The following RIMKLB variants were observed in gnomAD, a reference collection of about 807,000 sequenced individuals.
The protein encoded by RIMKLB is beta-citrylglutamate synthase B.
A neutral mutation model predicts 32.0 loss-of-function variants in RIMKLB; 7 were observed. That is an observed-to-expected ratio of 0.22 (90% confidence interval 0.12 to 0.41). RIMKLB has a LOEUF of 0.41. Ranked by LOEUF, RIMKLB falls within the 10% of genes least tolerant of loss-of-function variation. RIMKLB has a pLI of 1.00. For missense variants in RIMKLB, 289 were observed against 498.7 expected (o/e 0.58, Z 4.00); for synonymous variants, 172 against 185.1 (o/e 0.93, Z 0.57).
chr12:8,752,158 T>A, intron 4 of RIMKLB, 115 bp downstream of exon 4: 1 of 685,650 alleles, frequency 1.5e-6, no homozygotes, highest in Non-Finnish European at 2.5e-6. Flanking sequence ...TACCTCAGAC[T>A]TACAGAAGGC....
At chr12:8,769,135 C>T (rs760595915) in intron 5 of RIMKLB, among the ~76,000 whole-genome samples, 2 of 152,192 alleles carry the variant, frequency 1.3e-5, no homozygotes, top group South Asian at 4.1e-4. Flanking sequence ...TCTCATTTTC[C>T]TTTGTGATTT....
upstream of RIMKLB, among the ~76,000 whole-genome samples, chr12:8,681,117 C>T (rs779527133): frequency 3.3e-5 from 5 of 152,094 alleles, no homozygotes; most frequent in Admixed American, 1.3e-4. Flanking sequence ...CATACCACCA[C>T]GCCCAGCTAA....
At chr12:8,733,359 T>TC (rs1946721101) in intron 2 of RIMKLB, among the ~76,000 whole-genome samples, 6 of 152,066 alleles carry the variant, frequency 3.9e-5, no homozygotes, top group African/African-American at 1.2e-4. Flanking sequence ...TTGCCACATC[T>TC]TAACTCAGGA....
In RIMKLB at chr12:8,741,138, G is replaced by A. The variant is rs765228605; in HGVS notation, c.176-8724G>A. On this transcript the variant is annotated intron_variant, in intron 2 of 5. Coordinates refer to ENST00000535829, the MANE Select transcript of RIMKLB (RefSeq NM_001297776.2). ...GAAGAATTGCTTGAACCCGGGAGAC[G>A]GAGGTTGCAGTGAGCCGAGACTGAG... Among the ~76,000 whole-genome samples the A allele has an allele frequency of 2.6e-5, 4 of 152,078 alleles. No homozygotes were observed. In the South Asian group the frequency reaches 6.3e-4, roughly 24 times the overall value.
Position 8,775,297 on chromosome 12 carries a change from A to G in RIMKLB, c.*1513A>G, listed in dbSNP as rs1256687587. 9 of 985,332 alleles carry G rather than the reference A, an allele frequency of 9.1e-6. No individual in the cohort carries two copies. The highest frequency in any genetic ancestry group is 1.1e-5 in the Non-Finnish European group (9 of 829,860). The allele number at this position is 985,332 out of a possible 1,614,324, so 61.0% of individuals were successfully genotyped here. ...TTATAGCCCTACTCTTAAGCCTTCA[A>G]TACTGTCCACTCTTTATATTCCTTT... On this transcript the variant is annotated 3_prime_UTR_variant, in exon 6 of 6. Coordinates refer to ENST00000535829, the MANE Select transcript of RIMKLB (RefSeq NM_001297776.2).
chr12:8,724,239 G>A (rs1186472176), intron 2 of RIMKLB, among the ~76,000 whole-genome samples: 1 of 152,030 alleles, frequency 6.6e-6, no homozygotes, highest in Admixed American at 6.6e-5. Context: ...GTTTTCTCTA[G>A]CTGTAAAATT....
chr12:8,687,823 A>T (rs1438923796), intron 1 of RIMKLB, among the ~76,000 whole-genome samples: 1 of 143,664 alleles, frequency 7.0e-6, no homozygotes, highest in Admixed American at 6.7e-5. Context: ...TCAGGAAGAA[A>T]AAAAAAAAAA....
chr12:8,767,872 C>T (rs1179300398), intron 5 of RIMKLB, among the ~76,000 whole-genome samples: 1 of 152,190 alleles, frequency 6.6e-6, no homozygotes, highest in Non-Finnish European at 1.5e-5. Flanking sequence ...TGGTATTTTC[C>T]TCCAATTCTA....
chr12:8,731,029 C>T (rs146458009), intron 2 of RIMKLB, among the ~76,000 whole-genome samples: 120 of 143,564 alleles, frequency 8.4e-4, no homozygotes, highest in African/African-American at 2.8e-3. Flanking sequence ...TGTGAGCCAC[C>T]GTGCCCGGCC....
intron 4 of RIMKLB, among the ~76,000 whole-genome samples, chr12:8,753,159 T>C (rs1948757205): frequency 6.6e-6 from 1 of 152,232 alleles, no homozygotes; most frequent in African/African-American, 2.4e-5. Context: ...GACTGGATTC[T>C]TTATATTTGG....
At chr12:8,782,036 A>C (rs12320577), downstream of RIMKLB, among the ~76,000 whole-genome samples, 4,188 of 150,716 alleles carry the variant, frequency 0.028, 192 homozygotes, top group African/African-American at 0.096. Flanking sequence ...TTTCCTTGAG[A>C]CAGGGTCTCA....
chr12:8,753,731 T>C (rs1468217838), intron 4 of RIMKLB, among the ~76,000 whole-genome samples, 159 bp from the exon 5 acceptor site: 1 of 152,200 alleles, frequency 6.6e-6, no homozygotes, highest in African/African-American at 2.4e-5. Context: ...TATATTTTTG[T>C]ATTATTTCAC....
chr12:8,756,670 A>T (rs2137882695), intron 5 of RIMKLB, among the ~76,000 whole-genome samples: 1 of 147,044 alleles, frequency 6.8e-6, no homozygotes, highest in African/African-American at 2.5e-5. Flanking sequence ...TGGTTATATT[A>T]ATTTTACTTT....
chr12:8,780,476 G>A (rs1217795436), downstream of RIMKLB: 2 of 152,074 alleles, frequency 1.3e-5, no homozygotes, highest in African/African-American at 4.8e-5. Flanking sequence ...TTAAAAAGTT[G>A]GTGTATGTGC....
chr12:8,718,924 A>G lies in RIMKLB; in HGVS notation c.175+4883A>G, dbSNP rs766281481. Reference sequence around the variant, plus strand: ...ATTACTGCTTACTCTTGGGTGTTCTATAGTCTGTGGCTTTGGGCAAATGCA... The same window carrying G: ...ATTACTGCTTACTCTTGGGTGTTCTGTAGTCTGTGGCTTTGGGCAAATGCA... On this transcript the variant is annotated intron_variant, in intron 2 of 5. Transcript: ENST00000535829. 3.5e-4 allele frequency among the ~76,000 whole-genome samples: 53 copies of G among 152,254 alleles called. 1 individual carries two copies. Among genetic ancestry groups the G allele is most frequent in the Admixed American group, 5.9e-4 (9 of 15,278 alleles).
rs1441539636 is a variant in RIMKLB at position 8,775,232 on chromosome 12, A to G, written c.*1448A>G. ...GGATTTGGGATTGGGGGTGGGTTGG[A>G]TGTTTTTGTTTGGGGACTTATTTAG... On this transcript the variant is annotated 3_prime_UTR_variant, in exon 6 of 6. Transcript: ENST00000535829. 1 of 985,298 alleles carries G rather than the reference A, an allele frequency of 1.0e-6. No individual in the cohort carries two copies. The highest frequency in any genetic ancestry group is 1.8e-5 in the African/African-American group (1 of 57,120). The allele number at this position is 985,298 out of a possible 1,614,324, so 61.0% of individuals were successfully genotyped here.
At position 8,773,634 on chromosome 12, in the gene RIMKLB, C is replaced by A. The variant is rs746383240; in HGVS notation, c.1011C>A (p.Ala337=). 7 of 1,614,234 alleles carry A rather than the reference C, an allele frequency of 4.3e-6. No homozygotes were observed. In the Admixed American group the frequency reaches 1.2e-4, roughly 27 times the overall value. The change falls in exon 6 of 6, where the codon GCC becomes GCA. Residue 337 remains alanine, a synonymous_variant. Transcript: ENST00000535829. ...ETSEPELGPP[A]STAVDNMSAS... is the part of the protein sequence containing the mutation. ...GTGAGCCGGAGCTGGGTCCCCCAGC[C>A]AGCACTGCTGTTGACAACATGAGTG... is the stretch of plus-strand genomic sequence containing the variant.
At chr12:8,744,650 T>C (rs781322333) in intron 2 of RIMKLB, among the ~76,000 whole-genome samples, 8 of 151,768 alleles carry the variant, frequency 5.3e-5, no homozygotes, top group Admixed American at 1.3e-4. Flanking sequence ...TAGATTTTGC[T>C]AGTTTTTTAA....
chr12:8,772,049 G>T (rs1299840852), intron 5 of RIMKLB, among the ~76,000 whole-genome samples: 2 of 151,828 alleles, frequency 1.3e-5, no homozygotes, highest in Admixed American at 1.3e-4. Context: ...CCACCACACC[G>T]GGCTAATTTT....
Sources: allele counts gnomAD v4.1 joint callset (sites outside exome capture counted in the v4.1 genomes callset), GRCh38; gene constraint gnomAD v4.1.1; transcripts MANE v1.5; gene names NCBI Gene and HGNC (gene_info 2026-07-23, HGNC 2026-07-21).